The following CAMTA1 variants were observed in gnomAD, a reference collection of about 807,000 sequenced individuals.
CAMTA1 encodes calmodulin binding transcription activator 1, also known as calmodulin-binding transcription activator 1.
A neutral mutation model predicts 170.9 loss-of-function variants in CAMTA1; 27 were observed. The ratio of observed to expected loss-of-function variants is 0.16; its 90% confidence interval spans 0.12 to 0.22. The LOEUF is 0.22. Among genes scored for constraint, CAMTA1 ranks in the 10% least tolerant of loss-of-function variants. The pLI, the probability that CAMTA1 is intolerant of heterozygous loss-of-function variation, is 1.00. For synonymous variants in CAMTA1, 833 were observed against 891.5 expected, an observed-to-expected ratio of 0.93 and a Z score of 1.17; for missense variants, 1,619 against 2,217.2, an observed-to-expected ratio of 0.73 and a Z score of 5.42.
chr1:7,171,928 C>T (rs970212811), intron 4 of CAMTA1, among the ~76,000 whole-genome samples: 4 of 152,190 alleles, frequency 2.6e-5, no homozygotes, highest in East Asian at 1.9e-4. Context: ...TCTGTGTTGT[C>T]GCACATGTCA....
chr1:7,386,650 C>T (rs2088026569), intron 5 of CAMTA1, among the ~76,000 whole-genome samples: 1 of 152,196 alleles, frequency 6.6e-6, no homozygotes, highest in Non-Finnish European at 1.5e-5. Context: ...GAGGCCCAGC[C>T]CTCCCTTCCC....
chr1:6,792,158 A>G (rs1641293228), intron 1 of CAMTA1, among the ~76,000 whole-genome samples: 1 of 151,896 alleles, frequency 6.6e-6, no homozygotes, highest in Non-Finnish European at 1.5e-5. Context: ...GGGTTTCACC[A>G]TGTTGGCCAG....
intron 3 of CAMTA1, among the ~76,000 whole-genome samples, chr1:6,912,531 C>T (rs1274903566): frequency 6.6e-6 from 1 of 152,198 alleles, no homozygotes. Flanking sequence ...TGGTACTTTT[C>T]AAAATAACCT....
chr1:7,604,991 AG>A (rs146948996), intron 6 of CAMTA1, among the ~76,000 whole-genome samples: 20,293 of 152,192 alleles, frequency 0.13, 1,463 homozygotes, highest in African/African-American at 0.14. Flanking sequence ...GCCACAGAAC[AG>A]CGGATATTGG....
At chr1:7,473,840 G>A (rs1051516158) in intron 6 of CAMTA1, among the ~76,000 whole-genome samples, 1 of 152,236 alleles carries the variant, frequency 6.6e-6, no homozygotes, top group African/African-American at 2.4e-5. Context: ...CTCCACTGAC[G>A]CCGGAACCTG....
rs774477698 is a variant in CAMTA1 at position 6,895,154 on chromosome 1, C to G, written c.234+69944C>G. ...CCGGACAGGGTGCAGTGTTCTCTGT[C>G]CGCTGTTAAAAGGTGTCAGGTGAGG... On this transcript the variant is annotated intron_variant, in intron 3 of 22. Transcript: ENST00000303635. 1.1e-4 allele frequency among the ~76,000 whole-genome samples: 17 copies of G among 152,278 alleles called. No homozygotes were observed. The Middle Eastern group carries it at 0.02, about 183-fold the overall frequency.
chr1:7,704,290 G>A (rs1279924464), intron 11 of CAMTA1, among the ~76,000 whole-genome samples: 4 of 145,262 alleles, frequency 2.8e-5, no homozygotes, highest in East Asian at 2.0e-4. Context: ...CGGCCCCGCG[G>A]GAAGGGGAAC....
chr1:7,351,926 G>A (rs1171067408), intron 5 of CAMTA1, among the ~76,000 whole-genome samples: 1 of 152,250 alleles, frequency 6.6e-6, no homozygotes, highest in Non-Finnish European at 1.5e-5. Flanking sequence ...AAGTGAGAAG[G>A]AGTTTTTATA....
chr1:6,785,894 C>A (rs1258938202), intron 1 of CAMTA1, among the ~76,000 whole-genome samples: 5 of 148,592 alleles, frequency 3.4e-5, no homozygotes, highest in African/African-American at 1.2e-4. Flanking sequence ...GGGCCGGCGC[C>A]TCCCCCACCC....
intron 6 of CAMTA1, among the ~76,000 whole-genome samples, chr1:7,636,471 C>CT (rs1273624279): frequency 1.3e-5 from 2 of 152,184 alleles, no homozygotes; most frequent in Non-Finnish European, 2.9e-5. Context: ...AATCCCAGCA[C>CT]TTTAGGAGGC....
intron 3 of CAMTA1, among the ~76,000 whole-genome samples, chr1:6,857,083 G>GCCA (rs1312696272): frequency 1.3e-5 from 2 of 152,178 alleles, no homozygotes; most frequent in Non-Finnish European, 2.9e-5. Context: ...GCTATTTACA[G>GCCA]CCACCGTGTG....
At chr1:7,470,799 G>C (rs555364369) in intron 6 of CAMTA1, among the ~76,000 whole-genome samples, 19 of 152,188 alleles carry the variant, frequency 1.2e-4, no homozygotes, top group African/African-American at 4.3e-4. Flanking sequence ...CTGTGAACTC[G>C]CTCCTGCCCT....
chr1:7,226,458 C>A (rs893432801), intron 4 of CAMTA1, among the ~76,000 whole-genome samples: 13 of 152,172 alleles, frequency 8.5e-5, no homozygotes, highest in African/African-American at 2.9e-4. Flanking sequence ...AAATTAACAT[C>A]TTTCTCTCTG....
intron 5 of CAMTA1, among the ~76,000 whole-genome samples, chr1:7,337,376 G>T (rs949915331): frequency 6.6e-6 from 1 of 152,224 alleles, no homozygotes; most frequent in South Asian, 2.1e-4. Context: ...CCAGATGTCG[G>T]TCAAACACCA....
At chr1:7,604,732 T>G (rs2095472410) in intron 6 of CAMTA1, among the ~76,000 whole-genome samples, 1 of 152,244 alleles carries the variant, frequency 6.6e-6, no homozygotes, top group Admixed American at 6.5e-5. Context: ...AGGAGCTGGT[T>G]TCCTTTGGAG....
At chr1:7,163,162 C>T (rs556558254) in intron 4 of CAMTA1, among the ~76,000 whole-genome samples, 12 of 151,802 alleles carry the variant, frequency 7.9e-5, no homozygotes, top group African/African-American at 2.4e-4. Context: ...CTGCTCAGCC[C>T]GAGAATGACT....
At chr1:6,924,387 G>A (rs914307114) in intron 3 of CAMTA1, among the ~76,000 whole-genome samples, 8 of 152,044 alleles carry the variant, frequency 5.3e-5, no homozygotes, top group South Asian at 4.1e-4. Context: ...CTTGCTGAGC[G>A]GACCTTGAGC....
chr1:7,705,075 G>C (rs1327028191), intron 11 of CAMTA1, among the ~76,000 whole-genome samples: 1 of 151,130 alleles, frequency 6.6e-6, no homozygotes, highest in Non-Finnish European at 1.5e-5. Context: ...AGGCCGGGAG[G>C]GCGTGCGCGG....
In CAMTA1 at chr1:7,534,678, G is replaced by T. The variant is rs1048916715; in HGVS notation, c.510+66777G>T. Among the ~76,000 whole-genome samples the T allele has an allele frequency of 3.9e-5, 6 of 152,174 alleles. No individual in the cohort carries two copies. The highest frequency in any genetic ancestry group is 1.4e-4 in the African/African-American group (6 of 41,446). ...ACAGCAGTGGACGTTCGGGCCGAGG[G>T]GAGCTGAGGCCACGGCGGGGACTCC... On this transcript the variant is annotated intron_variant, in intron 6 of 22. Coordinates refer to ENST00000303635, the MANE Select transcript of CAMTA1 (RefSeq NM_015215.4). This position sits in a 1 kb window ranked among gnomAD's most constrained non-coding sequence, Gnocchi z 5.6.
Sources: gnomAD v4.1 joint callset for allele counts (sites outside exome capture counted in the v4.1 genomes callset) on GRCh38, gnomAD v4.1.1 for gene constraint, Gnocchi (gnomAD v3.1) non-coding constraint, MANE v1.5 for transcripts, NCBI Gene and HGNC (gene_info 2026-07-23, HGNC 2026-07-21) for gene names.